Variants in PLPPR1 observed in about 807,000 individuals in gnomAD.
The protein encoded by PLPPR1 is phospholipid phosphatase related 1.
In PLPPR1, 10 loss-of-function variants were observed where a neutral mutation model predicts 33.1. The ratio of observed to expected loss-of-function variants is 0.30; its 90% CI spans 0.19 to 0.51. The LOEUF is 0.51. Among genes scored for constraint, PLPPR1 ranks in the 20% least tolerant of loss-of-function variants. The pLI, the probability that PLPPR1 is intolerant of heterozygous loss-of-function variation, is 0.97. For synonymous variants in PLPPR1, 151 were observed against 151.0 expected (o/e 1.00, Z 0.00); for missense variants, 304 against 408.1 (o/e 0.74, Z 2.20).
intron 4 of PLPPR1, among the ~76,000 whole-genome samples, chr9:101,291,758 C>T (rs1196444007): frequency 6.6e-6 from 1 of 152,150 alleles, no homozygotes; most frequent in Non-Finnish European, 1.5e-5. Flanking sequence ...AACTAACAAA[C>T]AGAAAGGACA....
At chr9:101,160,067 G>T (rs550547517) in intron 1 of PLPPR1, among the ~76,000 whole-genome samples, 13 of 152,170 alleles carry the variant, frequency 8.5e-5, no homozygotes, top group Non-Finnish European at 1.0e-4. Flanking sequence ...AGATGAAAAG[G>T]CCTCTTCAAA....
intron 2 of PLPPR1, among the ~76,000 whole-genome samples, chr9:101,209,406 C>CTTAA (rs2118763972): frequency 6.6e-6 from 1 of 152,318 alleles, no homozygotes; most frequent in African/African-American, 2.4e-5. Flanking sequence ...CAGGACCAAC[C>CTTAA]TTAATTGTGG....
chr9:101,276,571 A>G (rs1475954547), intron 3 of PLPPR1, among the ~76,000 whole-genome samples: 1 of 152,222 alleles, frequency 6.6e-6, no homozygotes, highest in Non-Finnish European at 1.5e-5. Flanking sequence ...AATGCATTTT[A>G]CTTTTTACTC....
intron 1 of PLPPR1, among the ~76,000 whole-genome samples, chr9:101,096,342 G>A (rs1830817308): frequency 6.6e-6 from 1 of 152,196 alleles, no homozygotes; most frequent in Admixed American, 6.6e-5. Context: ...CTCTAGCATG[G>A]ATTGGTTAGC....
At chr9:101,046,171 A>G (rs897348496) in intron 1 of PLPPR1, among the ~76,000 whole-genome samples, 3 of 152,316 alleles carry the variant, frequency 2.0e-5, no homozygotes, top group Admixed American at 6.5e-5. Flanking sequence ...GACTTCACCC[A>G]GGAGAGTTTC....
intron 1 of PLPPR1, among the ~76,000 whole-genome samples, chr9:101,098,191 T>A (rs1026594803): frequency 1.3e-5 from 2 of 152,156 alleles, no homozygotes; most frequent in African/African-American, 2.4e-5. Context: ...TTATGCCAGA[T>A]GATAAGGTCT....
At chr9:101,216,594 C>A (rs537275404) in intron 2 of PLPPR1, among the ~76,000 whole-genome samples, 1 of 152,164 alleles carries the variant, frequency 6.6e-6, no homozygotes, top group South Asian at 2.1e-4. Context: ...TTTACAAAAG[C>A]AAATAAATTT....
chr9:101,079,091 C>T (rs1830584329), intron 1 of PLPPR1, among the ~76,000 whole-genome samples: 1 of 152,204 alleles, frequency 6.6e-6, no homozygotes, highest in Non-Finnish European at 1.5e-5. Context: ...ACCACTTTCA[C>T]CTCCCTAGAA....
At chr9:101,157,152 A>G (rs1010891741) in intron 1 of PLPPR1, among the ~76,000 whole-genome samples, 3 of 152,250 alleles carry the variant, frequency 2.0e-5, no homozygotes, top group African/African-American at 4.8e-5. Flanking sequence ...TACCTAAGCC[A>G]GCTTACACTT....
chr9:101,158,865 AG>A (rs2118666902), intron 1 of PLPPR1, among the ~76,000 whole-genome samples: 1 of 152,364 alleles, frequency 6.6e-6, no homozygotes, highest in South Asian at 2.1e-4. Flanking sequence ...AGTAAGGCTC[AG>A]GGGTACATGC....
chr9:101,176,645 C>T (rs1826023475), intron 1 of PLPPR1, among the ~76,000 whole-genome samples: 1 of 152,110 alleles, frequency 6.6e-6, no homozygotes, highest in South Asian at 2.1e-4. Flanking sequence ...GGGCCCCTCT[C>T]TACCCATGTA....
chr9:101,183,506 G>A (rs183128719), intron 1 of PLPPR1, among the ~76,000 whole-genome samples: 189 of 151,880 alleles, frequency 1.2e-3, no homozygotes, highest in African/African-American at 4.2e-3. Flanking sequence ...TGGTGAAGGA[G>A]TTGATGGTGG....
chr9:101,141,921 A>G (rs1370387323), intron 1 of PLPPR1, among the ~76,000 whole-genome samples: 14 of 152,176 alleles, frequency 9.2e-5, no homozygotes, highest in African/African-American at 3.4e-4. Flanking sequence ...GCCTAACAAT[A>G]TAGAAAATAA....
chr9:101,143,189 C>G (rs75084602), intron 1 of PLPPR1, among the ~76,000 whole-genome samples: 1 of 152,142 alleles, frequency 6.6e-6, no homozygotes, highest in Admixed American at 6.6e-5. Flanking sequence ...TATTGTTGCT[C>G]TAACTAGAAA....
chr9:101,296,943 T>G (rs1446078416), intron 4 of PLPPR1, among the ~76,000 whole-genome samples: 4 of 152,044 alleles, frequency 2.6e-5, no homozygotes, highest in Admixed American at 2.6e-4. Context: ...ACTTAAAGTA[T>G]AATAATAATA....
chr9:101,245,705 G>T (rs528532433), intron 2 of PLPPR1, among the ~76,000 whole-genome samples: 1 of 151,840 alleles, frequency 6.6e-6, no homozygotes, highest in African/African-American at 2.4e-5. Flanking sequence ...CCACAAAAAA[G>T]TTACTTGTCT....
intron 4 of PLPPR1, among the ~76,000 whole-genome samples, chr9:101,286,619 T>C (rs1828400225): frequency 6.6e-6 from 1 of 152,190 alleles, no homozygotes; most frequent in Admixed American, 6.6e-5. Context: ...ATCCAGTAAT[T>C]TTGTTATGCA....
chr9:101,078,121 A>G (rs1175466468), intron 1 of PLPPR1, among the ~76,000 whole-genome samples: 6 of 6,786 alleles, frequency 8.8e-4, no homozygotes, highest in African/African-American at 3.6e-3. Context: ...AAGAAGAAGA[A>G]GAAGAAGAAG....
At chr9:101,125,237 C>A (rs1305214865) in intron 1 of PLPPR1, among the ~76,000 whole-genome samples, 2 of 152,196 alleles carry the variant, frequency 1.3e-5, no homozygotes, top group South Asian at 2.1e-4. Flanking sequence ...CCTGTGAGTT[C>A]CTGCAAGTCC....
Sources: allele counts gnomAD v4.1 joint callset (sites outside exome capture counted in the v4.1 genomes callset), GRCh38; gene constraint gnomAD v4.1.1; transcripts MANE v1.5; gene names NCBI Gene and HGNC (gene_info 2026-07-23, HGNC 2026-07-21).